The following CCNYL1 variants were observed in gnomAD, a reference collection of about 807,000 sequenced individuals.
The protein encoded by CCNYL1 is cyclin Y like 1.
In CCNYL1, 16 loss-of-function variants were observed where a neutral mutation model predicts 44.2. The observed-to-expected ratio is 0.36, with a 90% CI of 0.25 to 0.55. The LOEUF (loss-of-function observed/expected upper bound fraction) is 0.55. Among genes scored for constraint, CCNYL1 ranks in the 20% least tolerant of loss-of-function variants. The pLI is 0.85. For missense variants in CCNYL1, 348 were observed against 451.8 expected (o/e 0.77, Z 2.08); for synonymous variants, 159 against 163.2 (o/e 0.97, Z 0.20).
chr2:207,714,308 A>ATC (rs762133807), intron 1 of CCNYL1: 1 of 382,260 alleles, frequency 2.6e-6, no homozygotes, highest in African/African-American at 2.4e-5. Context: ...CAACACTTAC[A>ATC]TCTCTTTTTT....
chr2:207,728,152 C>T (rs1382211642), intron 3 of CCNYL1, among the ~76,000 whole-genome samples: 12 of 151,948 alleles, frequency 7.9e-5, no homozygotes, highest in Admixed American at 2.6e-4. Flanking sequence ...TTAATAGAGA[C>T]GGGGTTTCAC....
At chr2:207,716,486 T>A (rs1444795662) in intron 1 of CCNYL1, among the ~76,000 whole-genome samples, 1 of 152,158 alleles carries the variant, frequency 6.6e-6, no homozygotes, top group Non-Finnish European at 1.5e-5. Context: ...GCTTCATAAC[T>A]TACAGCAGTG....
At chr2:207,747,329 G>A in intron 8 of CCNYL1, 116 bp downstream of exon 8, 4 of 805,774 alleles carry the variant, frequency 5.0e-6, no homozygotes, top group Non-Finnish European at 7.6e-6. Flanking sequence ...ATGGAAATAG[G>A]CATAAGACTA....
intron 3 of CCNYL1, among the ~76,000 whole-genome samples, chr2:207,727,813 G>C (rs1451737553): frequency 1.3e-5 from 2 of 151,760 alleles, no homozygotes; most frequent in Non-Finnish European, 2.9e-5. Flanking sequence ...TTTTGTGTTG[G>C]GTCCCCTAAA....
chr2:207,738,822 C>T (rs1289020007), intron 5 of CCNYL1, among the ~76,000 whole-genome samples: 4 of 151,864 alleles, frequency 2.6e-5, no homozygotes, highest in Admixed American at 6.6e-5. Flanking sequence ...CGGGTTCAAG[C>T]GATTCTCCTG....
At chr2:207,737,591 C>A (rs1054136695) in intron 5 of CCNYL1, 145 bp downstream of exon 5, 43 of 558,138 alleles carry the variant, frequency 7.7e-5, no homozygotes, top group Admixed American at 3.9e-5. Context: ...TTTTCTGGTC[C>A]CCAAGATGGT....
At chr2:207,735,130 C>T (rs1490403770) in intron 4 of CCNYL1, among the ~76,000 whole-genome samples, 1 of 152,046 alleles carries the variant, frequency 6.6e-6, no homozygotes, top group African/African-American at 2.4e-5. Context: ...GCTTTTTTCC[C>T]CCCATTTTAG....
chr2:207,726,144 G>A (rs2663866), intron 2 of CCNYL1, among the ~76,000 whole-genome samples: 19,617 of 152,158 alleles, frequency 0.13, 2,206 homozygotes, highest in East Asian at 0.38. Flanking sequence ...GTGTGTGCTT[G>A]TGATACTTGT....
At position 207,754,233 on chromosome 2, in the gene CCNYL1, T is replaced by C. The variant is rs917828229; in HGVS notation, c.*535T>C. 1 of 152,646 alleles carries C rather than the reference T, an allele frequency of 6.6e-6. No homozygotes were observed. Among genetic ancestry groups the C allele is most frequent in the African/African-American group, 2.4e-5 (1 of 41,434 alleles). The allele number at this position is 152,646 out of a possible 1,614,324, so 9.5% of individuals were successfully genotyped here. A position where few individuals can be genotyped will look rare whatever the true frequency, so the allele number is the denominator to read the frequency against. On this transcript the variant is annotated 3_prime_UTR_variant, in exon 10 of 10. Coordinates refer to ENST00000295414, the MANE Select transcript of CCNYL1 (RefSeq NM_001330218.2). ...TCCTCCCTACTGTTACCATTGAAGC[T>C]GCTAGTCATTGGCAATCATTTTAAA...
At chr2:207,741,903 C>A (rs2091813980) in intron 6 of CCNYL1, among the ~76,000 whole-genome samples, 1 of 150,242 alleles carries the variant, frequency 6.7e-6, no homozygotes, top group Non-Finnish European at 1.5e-5. Context: ...GTAATCCCAG[C>A]ACTTTGGGAG....
At position 207,711,722 on chromosome 2, in the gene CCNYL1, C is replaced by T. The variant is rs2091548661; in HGVS notation, c.-175C>T. 2 of 228,132 alleles carry T rather than the reference C, an allele frequency of 8.8e-6. No individual in the cohort carries two copies. The highest frequency in any genetic ancestry group is 1.6e-5 in the Non-Finnish European group (2 of 122,124). The allele number at this position is 228,132 out of a possible 1,614,324, so 14.1% of individuals were successfully genotyped here. A position where few individuals can be genotyped will look rare whatever the true frequency, so the allele number is the denominator to read the frequency against. Reference sequence around the variant, plus strand: ...GCCCGAGCCCTGCCCGGGGCCGGGCCGCGGGGCGGGCGGGCGAACCGCGGG... The same window carrying T: ...GCCCGAGCCCTGCCCGGGGCCGGGCTGCGGGGCGGGCGGGCGAACCGCGGG... On this transcript the variant is annotated 5_prime_UTR_variant, in exon 1 of 10. Transcript: ENST00000295414.
At position 207,753,686 on chromosome 2, in the gene CCNYL1, C is replaced by T. The variant is rs2091911433; in HGVS notation, c.1068C>T (p.Ala356=). The change falls in exon 10 of 10, where the codon GCC becomes GCT. Residue 356 remains alanine (A), a synonymous_variant. Transcript: ENST00000295414. ...TCATTGGTATTCAGCGCTCTAAAGC[C>T]ATCCTCTCTTAAAAGGAGAAATGAG... is the stretch of plus-strand genomic sequence containing the variant. The part of the protein sequence containing the change: ...DNFIGIQRSK[A]ILS The T allele has an allele frequency of 3.7e-6, 6 of 1,607,292 alleles. No individual in the cohort carries two copies. The highest frequency in any genetic ancestry group is 5.1e-6 in the Non-Finnish European group (6 of 1,174,786).
intron 4 of CCNYL1, among the ~76,000 whole-genome samples, chr2:207,737,043 G>A (rs984704486): frequency 2.6e-5 from 4 of 152,068 alleles, no homozygotes; most frequent in Admixed American, 2.0e-4. Flanking sequence ...AGCCTCCTGA[G>A]TAGCTGGGAA....
chr2:207,737,635 T>C (rs1339438838), intron 5 of CCNYL1, among the ~76,000 whole-genome samples, 189 bp downstream of exon 5: 2 of 152,012 alleles, frequency 1.3e-5, no homozygotes, highest in African/African-American at 4.8e-5. Context: ...TCCCAAAGAG[T>C]ATTTGTTTAT....
chr2:207,716,326 T>G lies in CCNYL1; in HGVS notation c.220+4210T>G, dbSNP rs527993154. Among the ~76,000 whole-genome samples, 3 of 149,024 alleles carry G rather than the reference T, an allele frequency of 2.0e-5. No individual in the cohort carries two copies. In the South Asian group the frequency reaches 6.3e-4, roughly 31 times the overall value. On this transcript the variant is annotated intron_variant, in intron 1 of 9. Transcript: ENST00000295414. ...AGATCTTTCCTCTTTCCAGTAGCTA[T>G]TTTAAGCCCTCTCTTTTTTTTTTTT...
intron 3 of CCNYL1, among the ~76,000 whole-genome samples, chr2:207,728,857 C>T (rs1413899929): frequency 4.6e-5 from 7 of 151,828 alleles, no homozygotes; most frequent in South Asian, 2.1e-4. Context: ...AGTGCAGTGG[C>T]GTGATCTCAG....
At chr2:207,728,772 C>T (rs1395219957) in intron 3 of CCNYL1, among the ~76,000 whole-genome samples, 1 of 152,072 alleles carries the variant, frequency 6.6e-6, no homozygotes, top group Non-Finnish European at 1.5e-5. Context: ...CCTGAAATTG[C>T]TTAATATGGC....
chr2:207,742,010 G>A (rs1157661290), intron 6 of CCNYL1, among the ~76,000 whole-genome samples: 1 of 147,696 alleles, frequency 6.8e-6, no homozygotes, highest in Non-Finnish European at 1.5e-5. Flanking sequence ...AACTAGCTGG[G>A]CGTGGTGGCG....
intron 4 of CCNYL1, among the ~76,000 whole-genome samples, chr2:207,736,431 A>G (rs761365569): frequency 2.6e-5 from 4 of 152,210 alleles, no homozygotes; most frequent in African/African-American, 4.8e-5. Context: ...ACAGTAACAT[A>G]TATCTGAAAA....
Sources: allele counts gnomAD v4.1 joint callset (sites outside exome capture counted in the v4.1 genomes callset), GRCh38; gene constraint gnomAD v4.1.1; transcripts MANE v1.5; gene names NCBI Gene and HGNC (gene_info 2026-07-23, HGNC 2026-07-21).